Variants in OAS1 observed in about 807,000 individuals in gnomAD.
OAS1 encodes the protein 2'-5'-oligoadenylate synthetase 1, also known as 2'-5'-oligoadenylate synthase 1.
Under a neutral mutation model 38.5 loss-of-function variants are expected in OAS1, and 24 were observed. That is an observed-to-expected ratio of 0.62 (90% CI 0.45 to 0.88). The LOEUF is 0.88. Among genes scored for constraint, OAS1 ranks in the 40% least tolerant of loss-of-function variants. The pLI is 0.00. For synonymous variants in OAS1, 169 were observed against 193.9 expected, an observed-to-expected ratio of 0.87 and a Z score of 1.07; for missense variants, 482 against 493.9, an observed-to-expected ratio of 0.98 and a Z score of 0.23.
chr12:112,911,628 A>G (rs2043385193), intron 3 of OAS1, among the ~76,000 whole-genome samples: 1 of 152,330 alleles, frequency 6.6e-6, no homozygotes, highest in Non-Finnish European at 1.5e-5. Context: ...AAGAGTTTCA[A>G]ACAAATATAT....
chr12:112,918,988 A>C (rs954219044), intron 5 of OAS1: 2 of 268,976 alleles, frequency 7.4e-6, no homozygotes, highest in South Asian at 4.3e-5. Flanking sequence ...GATAGGAAGG[A>C]AGCATGAAAG....
chr12:112,919,559 A>T lies in OAS1; in HGVS notation c.*6A>T. 1.9e-6 allele frequency: 3 copies of T among 1,614,210 alleles called. No homozygotes were observed. The highest frequency in any genetic ancestry group is 2.2e-5 in the South Asian group (2 of 91,076). On this transcript the variant is annotated 3_prime_UTR_variant, in exon 6 of 6. Coordinates refer to ENST00000202917, the MANE Select transcript of OAS1 (RefSeq NM_016816.4). ...GGACCTGCACCATCCTCTGAATGCC[A>T]GTGCATCTTGGGGGAAAGGGCTCCA...
Position 112,908,918 on chromosome 12 carries a change from C to T in OAS1, c.469+94C>T, listed in dbSNP as rs751672413. The T allele has an allele frequency of 1.8e-5, 24 of 1,364,426 alleles. No individual in the cohort carries two copies. The African/African-American group carries it at 3.4e-4, about 19-fold the overall frequency. The allele number at this position is 1,364,426 out of a possible 1,614,324, so 84.5% of individuals were successfully genotyped here. A position where few individuals can be genotyped will look rare whatever the true frequency, so the allele number is the denominator to read the frequency against. On this transcript the variant is annotated intron_variant, in intron 2 of 5. Coordinates refer to ENST00000202917, the MANE Select transcript of OAS1 (RefSeq NM_016816.4). ...CTTTTTGCCCCAACAGGGCATCTCT[C>T]TAAAGCAGGGTGGGAGGAGATCTTA...
intron 5 of OAS1, chr12:112,918,472 A>G: frequency 2.9e-6 from 1 of 343,054 alleles, no homozygotes; most frequent in Non-Finnish European, 5.9e-6. Context: ...GTGTCTTTTG[A>G]TAGAATGATT....
chr12:112,929,296 C>T (rs1593167840), intron 6 of OAS1, among the ~76,000 whole-genome samples: 1 of 152,300 alleles, frequency 6.6e-6, no homozygotes, highest in South Asian at 2.1e-4. Flanking sequence ...CCTTGGGAAG[C>T]CAGCTGGATT....
At chr12:112,925,640 G>A (rs1651972833) in intron 6 of OAS1, among the ~76,000 whole-genome samples, 1 of 152,192 alleles carries the variant, frequency 6.6e-6, no homozygotes, top group African/African-American at 2.4e-5. Context: ...AAAAAAATTA[G>A]CCAGGTGTGG....
In OAS1 at chr12:112,919,872, T is replaced by A; in HGVS notation, c.*319T>A. 2.5e-6 allele frequency: 2 copies of A among 786,518 alleles called. No individual in the cohort carries two copies. Among genetic ancestry groups the A allele is most frequent in the Non-Finnish European group, 3.9e-6 (2 of 517,058 alleles). The allele number at this position is 786,518 out of a possible 1,614,324, so 48.7% of individuals were successfully genotyped here. ...GATGGGAGGGTAATGTCTAATGTAT[T>A]ATCAATAACAATAAAAATAAAGCAA... On this transcript the variant is annotated 3_prime_UTR_variant, in exon 6 of 6. Coordinates refer to ENST00000202917, the MANE Select transcript of OAS1 (RefSeq NM_016816.4).
Position 112,916,664 on chromosome 12 carries a change from C to T in OAS1, c.810C>T (p.Ile270=). The change falls in exon 4 of 6, where the codon ATC becomes ATT. Residue 270 remains isoleucine, a synonymous_variant. Coordinates refer to ENST00000202917, the MANE Select transcript of OAS1 (RefSeq NM_016816.4). ...ELVINYQQLC[I]YWTKYYDFKN... is the part of the protein sequence containing the mutation. ...TCATAAACTACCAGCAACTCTGCAT[C>T]TACTGGACAAAGTATTATGACTTTA... 1.2e-6 allele frequency: 2 copies of T among 1,614,134 alleles called. No homozygotes were observed. The highest frequency in any genetic ancestry group is 1.1e-5 in the South Asian group (1 of 91,076).
At chr12:112,908,079 A>T (rs1456359396) in intron 1 of OAS1, among the ~76,000 whole-genome samples, 1 of 152,236 alleles carries the variant, frequency 6.6e-6, no homozygotes, top group Non-Finnish European at 1.5e-5. Flanking sequence ...CGCCAGTTTC[A>T]GGCAGGCCGC....
intron 2 of OAS1, among the ~76,000 whole-genome samples, chr12:112,910,144 G>A (rs1307298615): frequency 6.6e-6 from 1 of 152,158 alleles, no homozygotes; most frequent in South Asian, 2.1e-4. Flanking sequence ...AAAGTGGGGG[G>A]ATCACTTGAA....
chr12:112,908,957 G>T, intron 2 of OAS1, 133 bp downstream of exon 2: 2 of 944,624 alleles, frequency 2.1e-6, no homozygotes, highest in Non-Finnish European at 3.2e-6. Context: ...TCTGTCCCGG[G>T]GCAAGAATGA....
chr12:112,916,365 A>G lies in OAS1; in HGVS notation c.655-144A>G, dbSNP rs2043454858. Reference sequence around the variant, plus strand: ...CTTTGTAGCATGAATGCAGTCATAAACTATACATAAATGAATGAGCCTGGA... The same window carrying G: ...CTTTGTAGCATGAATGCAGTCATAAGCTATACATAAATGAATGAGCCTGGA... On this transcript the variant is annotated intron_variant, in intron 3 of 5. Transcript: ENST00000202917. The G allele has an allele frequency of 4.7e-6, 3 of 644,108 alleles. No homozygotes were observed. The African/African-American group carries it at 5.5e-5, about 12-fold the overall frequency. The allele number at this position is 644,108 out of a possible 1,614,324, so 39.9% of individuals were successfully genotyped here.
chr12:112,918,032 T>A, intron 5 of OAS1: 1 of 900,410 alleles, frequency 1.1e-6, no homozygotes, highest in Non-Finnish European at 1.5e-6. Flanking sequence ...AACAATCCCA[T>A]GAGGCATTTT....
downstream of OAS1, among the ~76,000 whole-genome samples, chr12:112,923,918 T>C (rs2043544909): frequency 6.6e-6 from 1 of 152,156 alleles, no homozygotes; most frequent in Non-Finnish European, 1.5e-5. Flanking sequence ...CAACTCAAAA[T>C]GGATTAAAGA....
chr12:112,918,712 A>T (rs911362093), intron 5 of OAS1: 2 of 451,238 alleles, frequency 4.4e-6, no homozygotes, highest in Non-Finnish European at 8.9e-6. Context: ...TCACTGTGCT[A>T]AACAGCCTGC....
At chr12:112,928,623 G>A (rs960253345) in intron 6 of OAS1, among the ~76,000 whole-genome samples, 3 of 152,188 alleles carry the variant, frequency 2.0e-5, no homozygotes, top group African/African-American at 7.2e-5. Context: ...GGCTGAATGG[G>A]CTTTGGAGAT....
chr12:112,912,508 G>C (rs995779576), intron 3 of OAS1, among the ~76,000 whole-genome samples: 4 of 152,144 alleles, frequency 2.6e-5, no homozygotes, highest in Admixed American at 6.5e-5. Context: ...GTAAAAAAAA[G>C]ACAATCATTT....
At chr12:112,922,703 A>G (rs2043537864), downstream of OAS1, among the ~76,000 whole-genome samples, 1 of 152,224 alleles carries the variant, frequency 6.6e-6, no homozygotes, top group Admixed American at 6.5e-5. Context: ...TTCCAGACTT[A>G]CATAGTAAAC....
chr12:112,912,013 T>C (rs556771363), intron 3 of OAS1, among the ~76,000 whole-genome samples: 4 of 152,228 alleles, frequency 2.6e-5, no homozygotes, highest in Admixed American at 6.5e-5. Flanking sequence ...CTGGGTCACA[T>C]GGCTCATTCG....
Sources: allele counts gnomAD v4.1 joint callset (sites outside exome capture counted in the v4.1 genomes callset), GRCh38; gene constraint gnomAD v4.1.1; transcripts MANE v1.5; gene names NCBI Gene and HGNC (gene_info 2026-07-23, HGNC 2026-07-21).